The following LITAF variants were observed in gnomAD, a reference collection of about 807,000 sequenced individuals.
LITAF encodes lipopolysaccharide-induced tumor necrosis factor-alpha factor.
Under a neutral mutation model 14.5 loss-of-function variants are expected in LITAF, and 9 were observed. That is an observed-to-expected ratio of 0.62 (90% confidence interval 0.37 to 1.08). LITAF has a LOEUF of 1.08. Ranked by LOEUF, LITAF falls within the 50% of genes least tolerant of loss-of-function variation. LITAF has a pLI of 0.01. For synonymous variants in LITAF, 98 were observed against 88.2 expected (o/e 1.11, Z -0.62); for missense variants, 206 against 213.4 (o/e 0.97, Z 0.22).
chr16:11,551,849 T>TGAG (rs1567234511), intron 3 of LITAF: 3 of 515,544 alleles, frequency 5.8e-6, no homozygotes, highest in Admixed American at 3.6e-5. Flanking sequence ...ACAAAACAAG[T>TGAG]TTCTATTCCA....
intron 1 of LITAF, among the ~76,000 whole-genome samples, chr16:11,581,417 T>C (rs535943809): frequency 1.1e-4 from 16 of 152,276 alleles, no homozygotes; most frequent in Middle Eastern, 3.4e-3. Context: ...GAGGCCAAGA[T>C]GGATGGATCA....
intron 1 of LITAF, among the ~76,000 whole-genome samples, chr16:11,564,839 G>C (rs1360593208): frequency 6.6e-6 from 1 of 152,068 alleles, no homozygotes; most frequent in African/African-American, 2.4e-5. Context: ...GCCCAGAATA[G>C]GTGAATTCAT....
chr16:11,587,347 G>C (rs1057246659), upstream of LITAF: 1 of 449,138 alleles, frequency 2.2e-6, no homozygotes, highest in African/African-American at 2.0e-5. Flanking sequence ...CCTCGACCCC[G>C]GACCCGCGCT....
intron 1 of LITAF, among the ~76,000 whole-genome samples, chr16:11,568,675 T>A (rs1489665561): frequency 8.0e-6 from 1 of 124,866 alleles, no homozygotes; most frequent in South Asian, 2.6e-4. Context: ...ACACCCTTGT[T>A]TTTTTTTGTT....
chr16:11,560,339 G>C (rs927253706), intron 1 of LITAF, among the ~76,000 whole-genome samples: 1 of 150,388 alleles, frequency 6.6e-6, no homozygotes. Context: ...GGCCAGGCAC[G>C]GTGGCTCATG....
intron 1 of LITAF, among the ~76,000 whole-genome samples, chr16:11,560,545 TG>T (rs1220065588): frequency 6.7e-6 from 1 of 150,214 alleles, no homozygotes; most frequent in African/African-American, 2.5e-5. Flanking sequence ...ATCACACCAC[TG>T]CACTCCAGCC....
At chr16:11,611,632 C>CT (rs1239292108) in intron 3 of LITAF, among the ~76,000 whole-genome samples, 3 of 151,394 alleles carry the variant, frequency 2.0e-5, no homozygotes, top group Admixed American at 6.6e-5. Flanking sequence ...ATTTTTCTAT[C>CT]TTTTTTTTCT....
chr16:11,616,946 G>A (rs921332723), intron 3 of LITAF, among the ~76,000 whole-genome samples: 2 of 149,630 alleles, frequency 1.3e-5, no homozygotes, highest in African/African-American at 2.5e-5. Context: ...CCAGCAGGGC[G>A]CAGTGGCTCA....
At chr16:11,588,336 A>T (rs569198127), upstream of LITAF, among the ~76,000 whole-genome samples, 10 of 152,098 alleles carry the variant, frequency 6.6e-5, no homozygotes, top group South Asian at 4.1e-4. Flanking sequence ...CTCTATAAAA[A>T]TTTTTTTAAT....
rs191727260 is a variant in LITAF at position 11,615,296 on chromosome 16, G to C, written c.85+18237C>G. Among the ~76,000 whole-genome samples the C allele has an allele frequency of 2.8e-3, 421 of 152,326 alleles. 2 individuals are homozygous for C. The highest frequency in any genetic ancestry group is 4.9e-3 in the Non-Finnish European group (334 of 68,028). On this transcript the variant is annotated intron_variant, in intron 3 of 3. Coordinates refer to the LITAF transcript ENST00000574848. ...TCACGCCTGTAATCCCAGCACCTTGGGAGGCTGAGGCAGGTGGATCACCTG... is the reference window on the plus strand; with the variant it reads ...TCACGCCTGTAATCCCAGCACCTTGCGAGGCTGAGGCAGGTGGATCACCTG...
intron 1 of LITAF, among the ~76,000 whole-genome samples, chr16:11,564,356 C>A (rs1408351190): frequency 1.3e-5 from 2 of 152,092 alleles, no homozygotes; most frequent in Non-Finnish European, 2.9e-5. Flanking sequence ...CCACGAGGGA[C>A]CTCACTTTCA....
upstream of LITAF, among the ~76,000 whole-genome samples, chr16:11,589,653 C>T (rs1246339379): frequency 2.4e-5 from 3 of 123,050 alleles, no homozygotes; most frequent in African/African-American, 9.3e-5. Context: ...GACAGGGTCT[C>T]TGTCACCCAG....
intron 3 of LITAF, among the ~76,000 whole-genome samples, chr16:11,615,855 A>C (rs2065016424): frequency 6.6e-6 from 1 of 151,992 alleles, no homozygotes; most frequent in Admixed American, 6.6e-5. Flanking sequence ...ACTCAAGATG[A>C]CTCAGTGTGG....
intron 1 of LITAF, among the ~76,000 whole-genome samples, chr16:11,577,455 T>C (rs1431247373): frequency 6.6e-6 from 1 of 151,366 alleles, no homozygotes; most frequent in African/African-American, 2.4e-5. Context: ...GTAGCCGAGA[T>C]TACAGGCACC....
At chr16:11,590,127 T>TAA (rs61198634), upstream of LITAF, among the ~76,000 whole-genome samples, 90 of 86,152 alleles carry the variant, frequency 1.0e-3, 15 homozygotes, top group Non-Finnish European at 1.3e-3. Flanking sequence ...ACCCCATCTC[T>TAA]AAAAAAAAAA....
chr16:11,621,606 G>A (rs923803807), intron 3 of LITAF, among the ~76,000 whole-genome samples: 6 of 152,180 alleles, frequency 3.9e-5, no homozygotes, highest in Non-Finnish European at 8.8e-5. Context: ...ATAGACAGGA[G>A]TCAGAAGGGA....
Position 11,556,669 on chromosome 16 carries a change from G to T in LITAF, c.62C>A (p.Pro21Gln). The T allele has an allele frequency of 6.2e-7, 1 of 1,614,206 alleles. No individual in the cohort carries two copies. Among genetic ancestry groups the T allele is most frequent in the African/African-American group, 1.3e-5 (1 of 75,048 alleles). Residue 21 changes from proline to glutamine, a missense_variant, in exon 2 of 4, where the codon CCA becomes CAA. Pro to Gln is a moderately conservative substitution (Grantham distance 76). Transcript: ENST00000622633. ...AACAGCCACTGTCTCTTCATAGGAT[G>T]GAGGTGCGGATGGTGCTGAGGAAGG... Reference protein sequence around the residue: ...TGPSSAPSAPPSYEETVAVNS... With the variant: ...TGPSSAPSAPQSYEETVAVNS...
At chr16:11,557,134 G>C (rs1277976346) in intron 1 of LITAF, among the ~76,000 whole-genome samples, 1 of 150,876 alleles carries the variant, frequency 6.6e-6, no homozygotes, top group African/African-American at 2.4e-5. Flanking sequence ...AACTGTTTCA[G>C]GTAACGGAAA....
At chr16:11,559,204 C>A (rs567640769) in intron 1 of LITAF, among the ~76,000 whole-genome samples, 174 of 152,186 alleles carry the variant, frequency 1.1e-3, no homozygotes, top group African/African-American at 4.1e-3. Flanking sequence ...TACAGTGAGC[C>A]ATGATCATGC....
Sources: allele counts gnomAD v4.1 joint callset (sites outside exome capture counted in the v4.1 genomes callset), GRCh38; gene constraint gnomAD v4.1.1; transcripts MANE v1.5; gene names NCBI Gene and HGNC (gene_info 2026-07-23, HGNC 2026-07-21).